Variants in LRRC31 observed in about 807,000 individuals in gnomAD.
The protein encoded by LRRC31 is leucine rich repeat containing 31.
In LRRC31, 35 loss-of-function variants were observed where a neutral mutation model predicts 46.7. The ratio of observed to expected loss-of-function variants is 0.75; its 90% confidence interval spans 0.57 to 0.99. LRRC31 has a LOEUF of 0.99. LRRC31 is among the 50% of genes least tolerant of loss of function. LRRC31 has a pLI of 0.00. For synonymous variants in LRRC31, 236 were observed against 235.1 expected (o/e 1.00, Z -0.03); for missense variants, 613 against 626.1 (o/e 0.98, Z 0.22).
intron 1 of LRRC31, among the ~76,000 whole-genome samples, chr3:169,863,646 T>G (rs1458197245): frequency 6.6e-6 from 1 of 152,244 alleles, no homozygotes; most frequent in South Asian, 2.1e-4. Flanking sequence ...ACTCTCGCCT[T>G]CCGTTTTTAT....
chr3:169,866,982 A>G (rs1473661092), intron 1 of LRRC31, among the ~76,000 whole-genome samples: 1 of 148,230 alleles, frequency 6.7e-6, no homozygotes, highest in Non-Finnish European at 1.5e-5. Flanking sequence ...AAAGAAACAA[A>G]ATCGGCCATG....
At chr3:169,860,803 C>T (rs2108223574) in intron 2 of LRRC31, 75 bp from the exon 3 acceptor site, 2 of 1,432,226 alleles carry the variant, frequency 1.4e-6, no homozygotes, top group East Asian at 4.6e-5. Context: ...GCAATGCTTA[C>T]ATACACAGGA....
chr3:169,856,546 G>A (rs531725996), intron 4 of LRRC31, 43 bp from the exon 5 acceptor site: 393 of 1,526,406 alleles, frequency 2.6e-4, no homozygotes, highest in Non-Finnish European at 3.3e-4. Context: ...GGTAGGAGGG[G>A]AGTGGAGTTT....
chr3:169,869,821 G>A lies in LRRC31; in HGVS notation c.-14C>T, dbSNP rs752709123. On this transcript the variant is annotated 5_prime_UTR_variant, in exon 1 of 9. Coordinates refer to ENST00000316428, the MANE Select transcript of LRRC31 (RefSeq NM_024727.4). ...TGTTTGACTCATGGTGAAGTTGATG[G>A]GGGTAGTTCCCAATAAGACATCTTC... 1.3e-6 allele frequency: 2 copies of A among 1,598,192 alleles called. No individual in the cohort carries two copies. Among genetic ancestry groups the A allele is most frequent in the African/African-American group, 2.7e-5 (2 of 73,934 alleles).
At chr3:169,857,692 A>G (rs554473338) in intron 3 of LRRC31, among the ~76,000 whole-genome samples, 1 of 152,116 alleles carries the variant, frequency 6.6e-6, no homozygotes, top group East Asian at 1.9e-4. Context: ...GGGTAGACAC[A>G]TACATGGAAA....
chr3:169,846,655 AAAG>A (rs1315093993), intron 8 of LRRC31, among the ~76,000 whole-genome samples: 876 of 85,990 alleles, frequency 0.01, 3 homozygotes, highest in Non-Finnish European at 0.016. Context: ...CTAAAAAAAA[AAAG>A]AAAGAAAATG....
intron 6 of LRRC31, chr3:169,853,521 G>A: frequency 1.0e-6 from 1 of 985,748 alleles, no homozygotes; most frequent in African/African-American, 1.7e-5. Flanking sequence ...ATGAGATGTG[G>A]TATTCATGTT....
intron 8 of LRRC31, among the ~76,000 whole-genome samples, chr3:169,846,202 G>A (rs1161613542): frequency 6.6e-6 from 1 of 152,148 alleles, no homozygotes; most frequent in African/African-American, 2.4e-5. Flanking sequence ...TATAACACTT[G>A]TTTTGAAAAC....
At chr3:169,854,032 G>A (rs1018199850) in intron 6 of LRRC31, among the ~76,000 whole-genome samples, 1 of 152,238 alleles carries the variant, frequency 6.6e-6, no homozygotes, top group Non-Finnish European at 1.5e-5. Flanking sequence ...TGCCTGGCGT[G>A]TCTGAGAATC....
In LRRC31 at chr3:169,861,665, C is replaced by G; in HGVS notation, c.319+5G>C. The G allele has an allele frequency of 6.2e-7, 1 of 1,613,666 alleles. No individual in the cohort carries two copies. The highest frequency in any genetic ancestry group is 8.5e-7 in the Non-Finnish European group (1 of 1,179,856). On this transcript the variant is annotated splice_donor_5th_base_variant and intron_variant, in intron 2 of 8. Coordinates refer to ENST00000316428, the MANE Select transcript of LRRC31 (RefSeq NM_024727.4). ...TCCTCTATGCAAAGTCTGCTGCATACAGACCCATTTCTTTCATGTCCGCTG... is the reference window on the plus strand; with the variant it reads ...TCCTCTATGCAAAGTCTGCTGCATAGAGACCCATTTCTTTCATGTCCGCTG...
intron 8 of LRRC31, among the ~76,000 whole-genome samples, chr3:169,840,673 G>T (rs1226194850): frequency 6.6e-6 from 1 of 152,046 alleles, no homozygotes; most frequent in Non-Finnish European, 1.5e-5. Flanking sequence ...TAATCATCTT[G>T]CTGCTTTAAT....
chr3:169,856,685 T>C lies in LRRC31; in HGVS notation c.655+20A>G. The stretch of plus-strand genomic sequence containing the variant: ...AGTGGGCATCTTCACTTTTTTTTTT[T>C]CTCTTCAAATTCCACTTACCCAGAA... On this transcript the variant is annotated intron_variant, in intron 4 of 8. Coordinates refer to ENST00000316428, the MANE Select transcript of LRRC31 (RefSeq NM_024727.4). The C allele has an allele frequency of 6.5e-7, 1 of 1,541,642 alleles. No homozygotes were observed. The highest frequency in any genetic ancestry group is 2.3e-5 in the East Asian group (1 of 43,328).
At chr3:169,841,230 C>G (rs1248031835) in intron 8 of LRRC31, among the ~76,000 whole-genome samples, 2 of 152,238 alleles carry the variant, frequency 1.3e-5, no homozygotes, top group South Asian at 2.1e-4. Flanking sequence ...TGGTGTCTTT[C>G]ACCCAGTGCC....
intron 3 of LRRC31, among the ~76,000 whole-genome samples, chr3:169,860,231 CT>C (rs753943562): frequency 4.0e-5 from 6 of 150,284 alleles, no homozygotes; most frequent in African/African-American, 9.8e-5. Context: ...CTTTTCTTTT[CT>C]TTTTTTTTGT....
At chr3:169,866,990 A>G (rs1781350474) in intron 1 of LRRC31, among the ~76,000 whole-genome samples, 1 of 138,930 alleles carries the variant, frequency 7.2e-6, no homozygotes, top group African/African-American at 2.7e-5. Context: ...AAAATCGGCC[A>G]TGGGTTGATT....
In LRRC31 at chr3:169,869,792, T is replaced by C. The variant is rs948492922; in HGVS notation, c.16A>G (p.Lys6Glu). MSQTR[K>E]KTSSEGETKP... ...GTTTCTCCTTCTGAGGAAGTTTTCTTCCTTGTTTGACTCATGGTGAAGTTG... is the reference window on the plus strand; with the variant it reads ...GTTTCTCCTTCTGAGGAAGTTTTCTCCCTTGTTTGACTCATGGTGAAGTTG... Residue 6 changes from lysine to glutamate, a missense_variant, in exon 1 of 9, where the codon AAG becomes GAG. Physicochemically the swap from Lys to Glu is moderately conservative, Grantham distance 56. Coordinates refer to ENST00000316428, the MANE Select transcript of LRRC31 (RefSeq NM_024727.4). 6.2e-7 allele frequency: 1 copy of C among 1,612,538 alleles called. No individual in the cohort carries two copies. The highest frequency in any genetic ancestry group is 1.3e-5 in the African/African-American group (1 of 74,976).
At chr3:169,869,264 G>A (rs1056919607) in intron 1 of LRRC31, among the ~76,000 whole-genome samples, 7 of 151,784 alleles carry the variant, frequency 4.6e-5, no homozygotes, top group Non-Finnish European at 7.4e-5. Flanking sequence ...CCAGCTACTC[G>A]GGAGGCTGAG....
At chr3:169,856,256 T>C in intron 5 of LRRC31, 80 bp downstream of exon 5, 3 of 790,750 alleles carry the variant, frequency 3.8e-6, no homozygotes, top group Non-Finnish European at 5.0e-6. Context: ...TATTTCCTAG[T>C]AACTTTTCAA....
At chr3:169,845,576 C>T (rs1006058431) in intron 8 of LRRC31, among the ~76,000 whole-genome samples, 1 of 152,068 alleles carries the variant, frequency 6.6e-6, no homozygotes, top group Non-Finnish European at 1.5e-5. Context: ...ATTGATTTTT[C>T]ACAAAAATAT....
Sources: allele counts gnomAD v4.1 joint callset (sites outside exome capture counted in the v4.1 genomes callset), GRCh38; gene constraint gnomAD v4.1.1; transcripts MANE v1.5; gene names NCBI Gene and HGNC (gene_info 2026-07-23, HGNC 2026-07-21).